Variants in ATP11C observed in about 807,000 individuals in gnomAD.
The protein encoded by ATP11C is ATPase phospholipid transporting 11C (ATP11C blood group).
ATP11C carries 36 observed loss-of-function variants against 97.4 expected under a neutral mutation model. That is an observed-to-expected ratio of 0.37 (90% CI 0.28 to 0.49). The LOEUF is 0.49. Among genes scored for constraint, ATP11C ranks in the 20% least tolerant of loss-of-function variants. The pLI, the probability that ATP11C is intolerant of heterozygous loss-of-function variation, is 0.98. For synonymous variants in ATP11C, 275 were observed against 290.9 expected, an observed-to-expected ratio of 0.95 and a Z score of 0.56; for missense variants, 730 against 824.6, an observed-to-expected ratio of 0.89 and a Z score of 1.40.
At chrX:139,903,370 T>C (rs915418763) in intron 1 of ATP11C, among the ~76,000 whole-genome samples, 1 of 109,832 alleles carries the variant, frequency 9.1e-6, no homozygotes, top group Non-Finnish European at 1.9e-5. Context: ...GAGCCTTCCA[T>C]GCAAGGGTCC....
chrX:139,891,947 C>A (rs2084737940), intron 1 of ATP11C, among the ~76,000 whole-genome samples: 1 of 110,764 alleles, frequency 9.0e-6, no homozygotes, highest in Non-Finnish European at 1.9e-5. Flanking sequence ...ACCTCCACCT[C>A]CCAGGTTCAA....
rs1020575043 is a variant in ATP11C at position 139,794,763 on chromosome X, C to T, written c.1206+1510G>A. 2.7e-5 allele frequency among the ~76,000 whole-genome samples: 3 copies of T among 111,942 alleles called. No individual in the cohort carries two copies. The Admixed American group carries it at 2.9e-4, about 11-fold the overall frequency. ...GAGGTAAGAGTCTCATCAAATGGAACCTGACCCGGGCATCTTATCTGTTTT... is the reference window on the plus strand; with the variant it reads ...GAGGTAAGAGTCTCATCAAATGGAATCTGACCCGGGCATCTTATCTGTTTT... On this transcript the variant is annotated intron_variant, in intron 12 of 29. Coordinates refer to ENST00000682941, the MANE Select transcript of ATP11C (RefSeq NM_001353812.2).
chrX:139,910,702 T>C (rs73583724), intron 1 of ATP11C, among the ~76,000 whole-genome samples: 1,634 of 110,878 alleles, frequency 0.015, 32 homozygotes, highest in African/African-American at 0.051. Context: ...ATCTTTTGAC[T>C]CCAGCTCTTT....
At chrX:139,855,906 C>T (rs1466182878) in intron 1 of ATP11C, among the ~76,000 whole-genome samples, 1 of 111,905 alleles carries the variant, frequency 8.9e-6, no homozygotes, top group Non-Finnish European at 1.9e-5. Flanking sequence ...CGTAGTTGGT[C>T]CAGTGTTCTG....
At chrX:139,733,709 T>C (rs893454046) in intron 28 of ATP11C, among the ~76,000 whole-genome samples, 1 of 111,709 alleles carries the variant, frequency 9.0e-6, no homozygotes, top group African/African-American at 3.2e-5. Context: ...ATCAGCATGA[T>C]ACCAAGTTCC....
rs2081968345 is a variant in ATP11C, at chrX:139,757,878, A to AAG, written c.2641-12_2641-11insCT. Reference sequence around the variant, plus strand: ...AATGAAACAAAGGTTCTGAAAAAAAAAAATTAAGACAAGGATTAACATTTT... The same window carrying AAG: ...AATGAAACAAAGGTTCTGAAAAAAAAAGAAATTAAGACAAGGATTAACATTTT... On this transcript the variant is annotated splice_polypyrimidine_tract_variant and intron_variant, in intron 22 of 29. Transcript: ENST00000682941. 1 of 1,139,696 alleles carries AAG rather than the reference A, an allele frequency of 8.8e-7. No individual in the cohort carries two copies. The highest frequency in any genetic ancestry group is 1.2e-6 in the Non-Finnish European group (1 of 844,522). 93.9% of individuals were successfully genotyped at this position (1,139,696 alleles called of 1,213,427 possible). A position where few individuals can be genotyped will look rare whatever the true frequency, so the allele number is the denominator to read the frequency against.
In ATP11C at chrX:139,757,790, A is replaced by G. The variant is rs770133537; in HGVS notation, c.2700+18T>C. 8.8e-7 allele frequency: 1 copy of G among 1,134,601 alleles called. No individual in the cohort carries two copies. Among genetic ancestry groups the G allele is most frequent in the East Asian group, 3.0e-5 (1 of 33,275 alleles). 93.5% of individuals were successfully genotyped at this position (1,134,601 alleles called of 1,213,427 possible). The stretch of plus-strand genomic sequence containing the variant: ...GCAAATGTAAACTATATTATAACGA[A>G]TAACTTGAGAAACAAACCTGTTGTG... On this transcript the variant is annotated intron_variant, in intron 23 of 29. Coordinates refer to ENST00000682941, the MANE Select transcript of ATP11C (RefSeq NM_001353812.2).
intron 23 of ATP11C, among the ~76,000 whole-genome samples, chrX:139,755,434 T>G (rs1219561818): frequency 8.9e-6 from 1 of 112,159 alleles, no homozygotes; most frequent in Non-Finnish European, 1.9e-5. Context: ...AGTTCAATGC[T>G]ATTCCTATCA....
chrX:139,798,240 A>G, intron 10 of ATP11C, 33 bp downstream of exon 10: 1 of 1,114,078 alleles, frequency 9.0e-7, no homozygotes, highest in Middle Eastern at 2.4e-4. Flanking sequence ...ATTTTAATCA[A>G]TAATGACTAA....
chrX:139,763,180 T>C, intron 21 of ATP11C, 136 bp downstream of exon 21: 1 of 477,447 alleles, frequency 2.1e-6, no homozygotes, highest in Non-Finnish European at 3.6e-6. Context: ...GAGGCCTCCA[T>C]TTAATTAACA....
intron 1 of ATP11C, among the ~76,000 whole-genome samples, chrX:139,910,302 T>C (rs1204524292): frequency 9.0e-6 from 1 of 111,147 alleles, no homozygotes; most frequent in Non-Finnish European, 1.9e-5. Flanking sequence ...TATATCCATA[T>C]TAAAAGGAGA....
intron 19 of ATP11C, among the ~76,000 whole-genome samples, chrX:139,773,792 T>C (rs1455373992): frequency 8.9e-6 from 1 of 112,391 alleles, no homozygotes; most frequent in Non-Finnish European, 1.9e-5. Flanking sequence ...ATAGTTGTTA[T>C]AAGCATGGGA....
At chrX:139,825,126 A>C (rs1407957598) in intron 2 of ATP11C, among the ~76,000 whole-genome samples, 2 of 111,301 alleles carry the variant, frequency 1.8e-5, no homozygotes, top group East Asian at 5.6e-4. Flanking sequence ...TAATCACAGA[A>C]ACACAAATAA....
intron 1 of ATP11C, among the ~76,000 whole-genome samples, chrX:139,828,768 T>C: frequency 8.9e-6 from 1 of 111,804 alleles, no homozygotes; most frequent in East Asian, 2.8e-4. Context: ...TGAAGTAGGA[T>C]ATGTCATGTG....
At chrX:139,925,910 A>AT (rs750894068) in intron 1 of ATP11C, among the ~76,000 whole-genome samples, 1 of 111,828 alleles carries the variant, frequency 8.9e-6, no homozygotes, top group African/African-American at 3.2e-5. Context: ...ATCTTCTATT[A>AT]TCAAGAAGTC....
At chrX:139,914,489 T>G (rs904853529) in intron 1 of ATP11C, among the ~76,000 whole-genome samples, 18 of 112,638 alleles carry the variant, frequency 1.6e-4, no homozygotes, top group African/African-American at 5.8e-4. Context: ...TCAACTTGAC[T>G]AGGCCACAGC....
In ATP11C at chrX:139,731,866, C is replaced by A. The variant is rs777556358; in HGVS notation, c.3289-111G>T. The A allele has an allele frequency of 1.6e-4, 56 of 340,204 alleles. No individual in the cohort carries two copies. In the South Asian group the frequency reaches 3.1e-3, roughly 19 times the overall value. The allele number at this position is 340,204 out of a possible 1,213,427, so 28.0% of individuals were successfully genotyped here. A position where few individuals can be genotyped will look rare whatever the true frequency, so the allele number is the denominator to read the frequency against. ...AAAAAATCATTTCCTATAGACTACT[C>A]CTCTGGCCAAAAGTACAAATGATTA... On this transcript the variant is annotated intron_variant, in intron 28 of 29. Coordinates refer to ENST00000682941, the MANE Select transcript of ATP11C (RefSeq NM_001353812.2).
At chrX:139,757,329 T>C (rs1168881926) in intron 23 of ATP11C, among the ~76,000 whole-genome samples, 1 of 111,721 alleles carries the variant, frequency 9.0e-6, no homozygotes, top group African/African-American at 3.2e-5. Context: ...AGTTAATATA[T>C]AGCATATTCC....
intron 1 of ATP11C, among the ~76,000 whole-genome samples, chrX:139,929,425 C>G: frequency 8.9e-6 from 1 of 111,806 alleles, no homozygotes; most frequent in Non-Finnish European, 1.9e-5. Flanking sequence ...AATTGGAAAA[C>G]TCGAAAAATA....
Sources: gnomAD v4.1 joint callset for allele counts (sites outside exome capture counted in the v4.1 genomes callset) on GRCh38, gnomAD v4.1.1 for gene constraint, MANE v1.5 for transcripts, NCBI Gene and HGNC (gene_info 2026-07-23, HGNC 2026-07-21) for gene names.